The following BACH1 variants were observed in gnomAD, a reference collection of about 807,000 sequenced individuals.
BACH1 encodes BTB domain and CNC homolog 1.
In BACH1, 35 loss-of-function variants were observed where a neutral mutation model predicts 52.9. The ratio of observed to expected loss-of-function variants is 0.66; its 90% CI spans 0.51 to 0.88. The LOEUF is 0.88. BACH1 is among the 40% of genes least tolerant of loss of function. The pLI is 0.00. For missense variants in BACH1, 808 were observed against 872.6 expected (o/e 0.93, Z 0.93); for synonymous variants, 321 against 319.6 (o/e 1.00, Z -0.05).
At chr21:29,329,340 ATTGT>A in intron 3 of BACH1, 143 bp from the exon 4 acceptor site, 26 of 591,396 alleles carry the variant, frequency 4.4e-5, no homozygotes, top group South Asian at 2.6e-4. Flanking sequence ...TCCTTTTGAG[ATTGT>A]ATAGAAATTG....
At position 29,310,191 on chromosome 21, in the gene BACH1, G is replaced by A. The variant is rs577270833; in HGVS notation, c.-60-11030G>A. ...AATATCTACTCTAAAGGGGGAAAATGTAATTGGCAATCTTTGGGAGATTTC... is the reference window on the plus strand; with the variant it reads ...AATATCTACTCTAAAGGGGGAAAATATAATTGGCAATCTTTGGGAGATTTC... On this transcript the variant is annotated intron_variant, in intron 1 of 4. Transcript: ENST00000286800. Among the ~76,000 whole-genome samples the A allele has an allele frequency of 3.9e-5, 6 of 152,324 alleles. No homozygotes were observed. The South Asian group carries it at 1.2e-3, about 32-fold the overall frequency.
intron 4 of BACH1, among the ~76,000 whole-genome samples, chr21:29,331,882 T>A (rs1382919858): frequency 3.3e-5 from 5 of 152,206 alleles, no homozygotes; most frequent in Admixed American, 2.6e-4. Flanking sequence ...TTCTACTTTT[T>A]AAAAAATTTT....
chr21:29,327,053 C>T lies in BACH1; in HGVS notation c.1229C>T (p.Thr410Ile), dbSNP rs767914377. 1.2e-6 allele frequency: 2 copies of T among 1,614,210 alleles called. No individual in the cohort carries two copies. Among genetic ancestry groups the T allele is most frequent in the Non-Finnish European group, 8.5e-7 (1 of 1,180,048 alleles). ...GFWSDICSTD[T>I]PCQMQLSPAV... is the part of the protein sequence containing the mutation. ...TGGAGTGACATTTGCAGCACGGACACTCCTTGCCAAATGCAGTTATCACCT... is the reference window on the plus strand; with the variant it reads ...TGGAGTGACATTTGCAGCACGGACATTCCTTGCCAAATGCAGTTATCACCT... The change falls in exon 3 of 5, where the codon ACT (threonine) becomes ATT (isoleucine). Residue 410 changes from threonine to isoleucine, a missense_variant. Physicochemically the swap from Thr to Ile is moderately conservative, Grantham distance 89. Coordinates refer to ENST00000286800, the MANE Select transcript of BACH1 (RefSeq NM_001186.4).
chr21:29,337,127 G>A (rs921074105), intron 4 of BACH1, among the ~76,000 whole-genome samples: 1 of 152,180 alleles, frequency 6.6e-6, no homozygotes, highest in Non-Finnish European at 1.5e-5. Flanking sequence ...GCCCGTTCAA[G>A]CCAGCTCCTG....
At chr21:29,355,466 T>G (rs1362572742) in intron 2 of BACH1, among the ~76,000 whole-genome samples, 1 of 151,924 alleles carries the variant, frequency 6.6e-6, no homozygotes, top group South Asian at 2.1e-4. Flanking sequence ...CACCTCTCAA[T>G]CCCCCCTCTA....
chr21:29,329,546 CT>C lies in BACH1; in HGVS notation c.1631del (p.Leu544CysfsTer2). On this transcript the variant is annotated frameshift_variant, in exon 4 of 5. Transcript: ENST00000286800. LOFTEE classifies it high-confidence loss of function. Reference sequence around the variant, plus strand: ...CACTGTCTCGAAATGATTTTCAGTCCTTGTTGAAAATGCACAAGCTTACTCC... The same window carrying C: ...CACTGTCTCGAAATGATTTTCAGTCCTGTTGAAAATGCACAAGCTTACTCC... The part of the protein sequence containing the change: ...ISLSRNDFQS[L>X]LKMHKLTPEQ... 2 of 1,602,110 alleles carry C rather than the reference CT, an allele frequency of 1.2e-6. No homozygotes were observed. The highest frequency in any genetic ancestry group is 1.7e-6 in the Non-Finnish European group (2 of 1,176,066).
chr21:29,342,953 A>G lies in BACH1; in HGVS notation c.*120A>G, dbSNP rs960692903. ...TGTTTTTTTCCTTTAGTAGTTTACC[A>G]TAAGGGAATTTCCTTTAAGTCAACC... is the stretch of plus-strand genomic sequence containing the variant. On this transcript the variant is annotated 3_prime_UTR_variant, in exon 5 of 5. Transcript: ENST00000286800. 2.0e-6 allele frequency: 2 copies of G among 1,021,856 alleles called. No homozygotes were observed. Among genetic ancestry groups the G allele is most frequent in the African/African-American group, 3.2e-5 (2 of 62,122 alleles). 63.3% of individuals were successfully genotyped at this position (1,021,856 alleles called of 1,614,324 possible).
chr21:29,350,290 A>G (rs901062545), downstream of BACH1, among the ~76,000 whole-genome samples: 2 of 152,162 alleles, frequency 1.3e-5, no homozygotes, highest in Non-Finnish European at 2.9e-5. Flanking sequence ...CAATGTCTGT[A>G]TACAATGCCG....
At chr21:29,359,724 A>G (rs1474106271) in intron 2 of BACH1, among the ~76,000 whole-genome samples, 4 of 152,136 alleles carry the variant, frequency 2.6e-5, no homozygotes, top group Non-Finnish European at 5.9e-5. Context: ...AAAATAAAAA[A>G]GCTACATACC....
chr21:29,339,141 G>A (rs1177430157), intron 4 of BACH1, among the ~76,000 whole-genome samples: 1 of 152,160 alleles, frequency 6.6e-6, no homozygotes, highest in Non-Finnish European at 1.5e-5. Flanking sequence ...ATTCCTAGAA[G>A]TGGGATTGTT....
rs75519362 is a variant in BACH1, at chr21:29,338,163, C to T, written c.1777-4236C>T. ...TTAAAGTCAGTTTCCAAAAACCTGT[C>T]GATGATTTTAAGTGAGGGCACACTG... On this transcript the variant is annotated intron_variant, in intron 4 of 4. Coordinates refer to ENST00000286800, the MANE Select transcript of BACH1 (RefSeq NM_001186.4). Among the ~76,000 whole-genome samples the T allele has an allele frequency of 2.3e-3, 355 of 152,152 alleles. 2 individuals are homozygous for T. The highest frequency in any genetic ancestry group is 8.3e-3 in the African/African-American group (346 of 41,506).
At chr21:29,350,121 C>T (rs925851152), downstream of BACH1, among the ~76,000 whole-genome samples, 3 of 152,252 alleles carry the variant, frequency 2.0e-5, no homozygotes, top group South Asian at 4.1e-4. Context: ...CTTACCCAGA[C>T]CAACGTCACT....
chr21:29,342,294 G>A (rs2089122588), intron 4 of BACH1, 105 bp from the exon 5 acceptor site: 1 of 1,141,158 alleles, frequency 8.8e-7, no homozygotes. Context: ...TAAACTCCAT[G>A]TGATCTTACT....
chr21:29,309,487 A>G (rs2088696399), intron 1 of BACH1, among the ~76,000 whole-genome samples: 1 of 152,146 alleles, frequency 6.6e-6, no homozygotes, highest in African/African-American at 2.4e-5. Context: ...TAATATTTGG[A>G]CCTGGGAGCA....
intron 2 of BACH1, chr21:29,361,703 C>G (rs1049849592): frequency 2.0e-5 from 3 of 152,154 alleles, no homozygotes; most frequent in Admixed American, 6.5e-5. Flanking sequence ...CCAGCTTCCT[C>G]CATAAACAAG....
intron 4 of BACH1, among the ~76,000 whole-genome samples, chr21:29,338,710 A>G (rs775017692): frequency 7.2e-5 from 11 of 152,170 alleles, no homozygotes; most frequent in Non-Finnish European, 2.9e-5. Context: ...AAACGTTTAT[A>G]TGGTTCAAAC....
chr21:29,329,302 A>T (rs1386721309), intron 3 of BACH1, among the ~76,000 whole-genome samples, 185 bp from the exon 4 acceptor site: 1 of 152,112 alleles, frequency 6.6e-6, no homozygotes, highest in Non-Finnish European at 1.5e-5. Flanking sequence ...CCTGTCTCCA[A>T]AAAAATATGT....
intron 1 of BACH1, chr21:29,300,798 A>G (rs1218866138): frequency 1.3e-5 from 2 of 152,208 alleles, no homozygotes; most frequent in Admixed American, 6.5e-5. Flanking sequence ...TTGGCTTTTC[A>G]TGCATACACA....
In BACH1 at chr21:29,342,574, T is replaced by TA; in HGVS notation, c.1954dup (p.Ile652AsnfsTer3). 1.2e-6 allele frequency: 2 copies of TA among 1,614,248 alleles called. No homozygotes were observed. The highest frequency in any genetic ancestry group is 1.7e-6 in the Non-Finnish European group (2 of 1,180,042). On this transcript the variant is annotated frameshift_variant, in exon 5 of 5. Transcript: ENST00000286800. LOFTEE classifies it low-confidence loss of function (END_TRUNC). ...GCTGCAGATTGCCCACTTTCATTTT[T>TA]AATTTCTGAAAAAGATAAAAGTACT...
Sources: allele counts gnomAD v4.1 joint callset (sites outside exome capture counted in the v4.1 genomes callset), GRCh38; gene constraint gnomAD v4.1.1; transcripts MANE v1.5; gene names NCBI Gene and HGNC (gene_info 2026-07-23, HGNC 2026-07-21).